Variants in TNFAIP8 observed in about 807,000 individuals in gnomAD.
TNFAIP8 encodes tumor necrosis factor alpha-induced protein 8.
Under a neutral mutation model 13.3 loss-of-function variants are expected in TNFAIP8, and 7 were observed. That is an observed-to-expected ratio of 0.52 (90% CI 0.30 to 0.99). The LOEUF is 0.99. Ranked by LOEUF, TNFAIP8 falls within the 50% of genes least tolerant of loss-of-function variation. The pLI is 0.07. For synonymous variants in TNFAIP8, 94 were observed against 87.6 expected (o/e 1.07, Z -0.41); for missense variants, 258 against 236.9 (o/e 1.09, Z -0.58).
At chr5:119,335,829 A>G (rs1750533735) in intron 1 of TNFAIP8, among the ~76,000 whole-genome samples, 1 of 151,936 alleles carries the variant, frequency 6.6e-6, no homozygotes, top group African/African-American at 2.4e-5. Context: ...ACCGAGTGCT[A>G]AGTAGAAAAA....
At chr5:119,372,435 TATAAA>T (rs1440013197) in intron 1 of TNFAIP8, among the ~76,000 whole-genome samples, 2 of 152,254 alleles carry the variant, frequency 1.3e-5, no homozygotes, top group South Asian at 2.1e-4. Context: ...TATAAGAACT[TATAAA>T]ATAACAGCTA....
intron 1 of TNFAIP8, among the ~76,000 whole-genome samples, chr5:119,325,633 A>G (rs1374776122): frequency 6.6e-6 from 1 of 152,128 alleles, no homozygotes. Flanking sequence ...GTATTTTAGT[A>G]GAGATGGGGT....
chr5:119,274,804 C>T (rs917949065), intron 1 of TNFAIP8, among the ~76,000 whole-genome samples: 1 of 152,134 alleles, frequency 6.6e-6, no homozygotes, highest in Non-Finnish European at 1.5e-5. Flanking sequence ...AGTGATACAC[C>T]AAATGAAACT....
At chr5:119,296,125 T>C (rs1370187128) in intron 1 of TNFAIP8, among the ~76,000 whole-genome samples, 2 of 149,392 alleles carry the variant, frequency 1.3e-5, no homozygotes, top group Non-Finnish European at 3.0e-5. Context: ...TATTTCCTTC[T>C]CCTGCCTAAT....
chr5:119,333,520 A>G (rs1562004819), intron 1 of TNFAIP8: 15 of 1,527,054 alleles, frequency 9.8e-6, no homozygotes, highest in Admixed American at 4.0e-5. Context: ...CAGGTTCCAT[A>G]GTGTACACGT....
rs1752997117 is a variant in TNFAIP8, at chr5:119,393,878, A to G, written c.*497A>G. The G allele has an allele frequency of 6.4e-6, 1 of 155,718 alleles. No individual in the cohort carries two copies. Among genetic ancestry groups the G allele is most frequent in the South Asian group, 1.9e-4 (1 of 5,180 alleles). 9.6% of individuals were successfully genotyped at this position (155,718 alleles called of 1,614,324 possible). A position where few individuals can be genotyped will look rare whatever the true frequency, so the allele number is the denominator to read the frequency against. On this transcript the variant is annotated 3_prime_UTR_variant, in exon 2 of 2. Coordinates refer to ENST00000504771, the MANE Select transcript of TNFAIP8 (RefSeq NM_014350.4). ...ACAGCTGACTGTTTTGTTAAGATTG[A>G]GTCATCGACATTCAGGATTTAAGTC...
chr5:119,271,302 A>T (rs555209949), intron 1 of TNFAIP8, among the ~76,000 whole-genome samples: 68 of 152,282 alleles, frequency 4.5e-4, no homozygotes, highest in African/African-American at 1.5e-3. Flanking sequence ...GGCTTGGAGA[A>T]CTTCACAGAG....
chr5:119,349,027 C>G (rs889462163), intron 1 of TNFAIP8, among the ~76,000 whole-genome samples: 1 of 152,042 alleles, frequency 6.6e-6, no homozygotes, highest in Non-Finnish European at 1.5e-5. Flanking sequence ...GATGTGATGT[C>G]GTGCTGTCCT....
chr5:119,280,590 G>A (rs756910148), intron 1 of TNFAIP8, among the ~76,000 whole-genome samples: 15 of 152,096 alleles, frequency 9.9e-5, no homozygotes, highest in Non-Finnish European at 1.9e-4. Flanking sequence ...ACAGATGGTG[G>A]TGTATTCTTT....
intron 1 of TNFAIP8, among the ~76,000 whole-genome samples, chr5:119,280,980 T>G (rs1748609209): frequency 1.3e-5 from 2 of 152,126 alleles, no homozygotes; most frequent in Admixed American, 1.3e-4. Flanking sequence ...AATTTTAGTT[T>G]TTACTGAGAC....
chr5:119,342,733 C>A (rs1356295432), intron 1 of TNFAIP8, among the ~76,000 whole-genome samples: 2 of 152,228 alleles, frequency 1.3e-5, no homozygotes, highest in Non-Finnish European at 2.9e-5. Flanking sequence ...CATTGGTCTT[C>A]AGCCTTCACT....
chr5:119,387,449 G>T (rs1752723900), intron 1 of TNFAIP8, among the ~76,000 whole-genome samples: 1 of 152,186 alleles, frequency 6.6e-6, no homozygotes, highest in South Asian at 2.1e-4. Context: ...CACTGTTAAA[G>T]AGTCCCAAGT....
At chr5:119,361,125 C>T (rs894841135) in intron 1 of TNFAIP8, among the ~76,000 whole-genome samples, 1 of 152,196 alleles carries the variant, frequency 6.6e-6, no homozygotes, top group African/African-American at 2.4e-5. Context: ...ATTGCAAAAG[C>T]AGACATCCCA....
At chr5:119,304,694 C>A (rs548604579) in intron 1 of TNFAIP8, among the ~76,000 whole-genome samples, 56 of 152,330 alleles carry the variant, frequency 3.7e-4, no homozygotes, top group African/African-American at 1.3e-3. Flanking sequence ...TGTTTTCTTT[C>A]CAGAGGATAA....
rs1239115628 is a variant in TNFAIP8 at position 119,292,668 on chromosome 5, A to ATG, written c.1+23762_1+23763insGT. On this transcript the variant is annotated intron_variant, in intron 1 of 1. Coordinates refer to the TNFAIP8 transcript ENST00000274456. ...AGCATATATATATATATATATATAT[A>ATG]TATATATATATATATATACACACAC... is the stretch of plus-strand genomic sequence containing the variant. Among the ~76,000 whole-genome samples, 3 of 43,838 alleles carry ATG rather than the reference A, an allele frequency of 6.8e-5. No individual in the cohort carries two copies. The East Asian group carries it at 9.0e-3, about 132-fold the overall frequency. 28.8% of individuals were successfully genotyped at this position (43,838 alleles called of 152,430 possible).
intron 1 of TNFAIP8, among the ~76,000 whole-genome samples, chr5:119,376,176 G>A (rs1309300736): frequency 1.3e-5 from 2 of 151,386 alleles, no homozygotes; most frequent in African/African-American, 4.9e-5. Flanking sequence ...GTGCAGTGGT[G>A]CAATCTCGGC....
intron 1 of TNFAIP8, among the ~76,000 whole-genome samples, chr5:119,345,192 T>C (rs1750857504): frequency 1.3e-5 from 2 of 152,352 alleles, no homozygotes; most frequent in South Asian, 4.1e-4. Context: ...ACTCTTCATT[T>C]CTTAATGGAA....
rs1411023607 is a variant in TNFAIP8 at position 119,397,262 on chromosome 5, A to G, written c.*3881A>G. ...TCCTTGAGATACTTGATGAGTGTAT[A>G]TAAGCAGTTGCAATTTAGCATACAA... On this transcript the variant is annotated 3_prime_UTR_variant, in exon 2 of 2. Coordinates refer to ENST00000504771, the MANE Select transcript of TNFAIP8 (RefSeq NM_014350.4). The G allele has an allele frequency of 1.3e-5, 2 of 152,176 alleles. No homozygotes were observed. The highest frequency in any genetic ancestry group is 6.5e-5 in the Admixed American group (1 of 15,278). The allele number at this position is 152,176 out of a possible 1,614,324, so 9.4% of individuals were successfully genotyped here.
At chr5:119,390,627 A>C (rs2112863710) in intron 1 of TNFAIP8, among the ~76,000 whole-genome samples, 1 of 152,282 alleles carries the variant, frequency 6.6e-6, no homozygotes, top group African/African-American at 2.4e-5. Flanking sequence ...TCAGAAGTTT[A>C]AATTTCGACA....
Sources: gnomAD v4.1 joint callset for allele counts (sites outside exome capture counted in the v4.1 genomes callset) on GRCh38, gnomAD v4.1.1 for gene constraint, MANE v1.5 for transcripts, NCBI Gene and HGNC (gene_info 2026-07-23, HGNC 2026-07-21) for gene names.